CEP63: variants seen among roughly 807,000 people sequenced by gnomAD.
CEP63 encodes centrosomal protein of 63 kDa.
A neutral mutation model predicts 89.1 loss-of-function variants in CEP63; 84 were observed. That is an observed-to-expected ratio of 0.94 (90% confidence interval 0.79 to 1.13). CEP63 has a LOEUF of 1.13. Ranked by LOEUF, CEP63 falls within the 50% of genes most tolerant of loss-of-function variation. The probability of loss-of-function intolerance (pLI) is 0.00; values close to 1 mark genes in which losing one functional copy is unlikely to be tolerated. For missense variants in CEP63, 838 were observed against 813.3 expected (o/e 1.03, Z -0.37); for synonymous variants, 267 against 272.5 (o/e 0.98, Z 0.20).
At chr3:134,546,320 G>A in intron 8 of CEP63, 32 bp downstream of exon 8, 1 of 1,583,894 alleles carries the variant, frequency 6.3e-7, no homozygotes, top group Non-Finnish European at 8.7e-7. Context: ...ATTCATCTTA[G>A]CCACTTAATG....
At chr3:134,640,555 C>T in the CEP63 span, among the ~76,000 whole-genome samples, 1 of 152,164 alleles carries the variant, frequency 6.6e-6, no homozygotes, top group Admixed American at 6.5e-5. Context: ...GAAGGCTTCT[C>T]TGGGGGCCGG....
At chr3:134,739,321 T>G in the CEP63 span, among the ~76,000 whole-genome samples, 1 of 152,214 alleles carries the variant, frequency 6.6e-6, no homozygotes, top group East Asian at 1.9e-4. Flanking sequence ...ATTGGAACAC[T>G]TATGCATCAT....
the CEP63 span, among the ~76,000 whole-genome samples, chr3:134,772,150 T>A: frequency 6.6e-6 from 1 of 152,204 alleles, no homozygotes; most frequent in Admixed American, 6.5e-5. Flanking sequence ...CAGGCCTGTC[T>A]GAAATGTCAG....
chr3:134,544,589 A>T (rs1250310925), intron 6 of CEP63, among the ~76,000 whole-genome samples: 1 of 149,148 alleles, frequency 6.7e-6, no homozygotes, highest in African/African-American at 2.5e-5. Flanking sequence ...TAATCTAAAT[A>T]TGAATGTTTA....
At chr3:134,598,265 C>T in the CEP63 span, among the ~76,000 whole-genome samples, 2 of 152,200 alleles carry the variant, frequency 1.3e-5, no homozygotes, top group Non-Finnish European at 2.9e-5. Context: ...GGCCTTTGTG[C>T]ATTTTTCGGG....
the CEP63 span, chr3:134,619,339 G>A: frequency 8.8e-7 from 1 of 1,134,216 alleles, no homozygotes; most frequent in African/African-American, 1.5e-5. Context: ...ACCCCCAGCT[G>A]TGCTCTGGCC....
chr3:134,551,144 C>T (rs957417407), intron 11 of CEP63, among the ~76,000 whole-genome samples: 5 of 152,126 alleles, frequency 3.3e-5, no homozygotes, highest in African/African-American at 7.2e-5. Flanking sequence ...TGGTTTGACA[C>T]ATTTGTTTGG....
the CEP63 span, among the ~76,000 whole-genome samples, chr3:134,708,323 G>A: frequency 6.6e-6 from 1 of 152,248 alleles, no homozygotes; most frequent in Non-Finnish European, 1.5e-5. Flanking sequence ...TGCTTTGCCT[G>A]GCAGAGACCA....
chr3:134,604,992 G>A, the CEP63 span, among the ~76,000 whole-genome samples: 2 of 152,098 alleles, frequency 1.3e-5, no homozygotes, highest in Non-Finnish European at 2.9e-5. Flanking sequence ...GGTTGGGGTG[G>A]GGCAGTTCCC....
At chr3:134,714,119 T>C in the CEP63 span, among the ~76,000 whole-genome samples, 1 of 152,214 alleles carries the variant, frequency 6.6e-6, no homozygotes, top group Admixed American at 6.5e-5. Context: ...GAAGTCACGA[T>C]ACTGCAAGTT....
At chr3:134,620,496 T>A in the CEP63 span, among the ~76,000 whole-genome samples, 1 of 152,162 alleles carries the variant, frequency 6.6e-6, no homozygotes, top group Non-Finnish European at 1.5e-5. Context: ...TGGATGAAGT[T>A]TCCAGCTCTG....
At chr3:134,608,511 AC>A in the CEP63 span, 1 of 1,569,272 alleles carries the variant, frequency 6.4e-7, no homozygotes, top group Non-Finnish European at 8.6e-7. Context: ...ACATGCACAC[AC>A]AAGCTTTGTG....
chr3:134,773,569 C>T, the CEP63 span, among the ~76,000 whole-genome samples: 1 of 152,224 alleles, frequency 6.6e-6, no homozygotes, highest in Non-Finnish European at 1.5e-5. Flanking sequence ...GAACATCATT[C>T]TTAAATCACA....
At chr3:134,594,174 C>T in the CEP63 span, among the ~76,000 whole-genome samples, 454 of 152,290 alleles carry the variant, frequency 3.0e-3, 4 homozygotes, top group Middle Eastern at 0.034. Flanking sequence ...TCTAAATAAA[C>T]GCTTCCTCAT....
the CEP63 span, among the ~76,000 whole-genome samples, chr3:134,742,907 C>T: frequency 6.6e-6 from 1 of 152,216 alleles, no homozygotes; most frequent in Non-Finnish European, 1.5e-5. Context: ...ATAAATTACC[C>T]AGTCTGTGGT....
the CEP63 span, among the ~76,000 whole-genome samples, chr3:134,774,164 C>T: frequency 6.6e-6 from 1 of 152,156 alleles, no homozygotes; most frequent in Non-Finnish European, 1.5e-5. Context: ...TCTTAACTGA[C>T]TCTTTGTCCC....
the CEP63 span, among the ~76,000 whole-genome samples, chr3:134,637,122 G>A: frequency 6.6e-6 from 1 of 152,214 alleles, no homozygotes; most frequent in African/African-American, 2.4e-5. Flanking sequence ...AGCTTTGAAG[G>A]GGTTAACATT....
the CEP63 span, among the ~76,000 whole-genome samples, chr3:134,654,148 C>A: frequency 6.6e-6 from 1 of 152,200 alleles, no homozygotes; most frequent in Non-Finnish European, 1.5e-5. Context: ...ATCCGATACT[C>A]CTCTGCTAGA....
At chr3:134,705,556 C>T in the CEP63 span, among the ~76,000 whole-genome samples, 1 of 152,192 alleles carries the variant, frequency 6.6e-6, no homozygotes, top group Admixed American at 6.5e-5. Context: ...CTTCTCCAAA[C>T]CATAGTAGAT....
Sources: allele counts gnomAD v4.1 joint callset (sites outside exome capture counted in the v4.1 genomes callset), GRCh38; gene constraint gnomAD v4.1.1; transcripts MANE v1.5; gene names NCBI Gene and HGNC (gene_info 2026-07-23, HGNC 2026-07-21).